Variants in SLC24A2 observed in about 807,000 individuals in gnomAD.
SLC24A2 encodes the protein sodium/potassium/calcium exchanger 2.
Under a neutral mutation model 62.0 loss-of-function variants are expected in SLC24A2, and 36 were observed. The ratio of observed to expected loss-of-function variants is 0.58; its 90% CI spans 0.44 to 0.77. The LOEUF (loss-of-function observed/expected upper bound fraction) is 0.77, where lower values mean the gene tolerates loss of function less well. Among genes scored for constraint, SLC24A2 ranks in the 30% least tolerant of loss-of-function variants. The pLI, the probability that SLC24A2 is intolerant of heterozygous loss-of-function variation, is 0.00. For missense variants in SLC24A2, 846 were observed against 817.9 expected, an observed-to-expected ratio of 1.03 and a Z score of -0.42; for synonymous variants, 358 against 294.0, an observed-to-expected ratio of 1.22 and a Z score of -2.23.
the SLC24A2 span, among the ~76,000 whole-genome samples, chr9:20,190,655 T>A: frequency 3.3e-5 from 5 of 152,148 alleles, no homozygotes; most frequent in African/African-American, 9.7e-5. Context: ...AATCAAGAAT[T>A]TGAACCTGGT....
At chr9:19,836,667 C>T in the SLC24A2 span, among the ~76,000 whole-genome samples, 2 of 152,202 alleles carry the variant, frequency 1.3e-5, no homozygotes, top group Non-Finnish European at 2.9e-5. Flanking sequence ...GAACTGGTAC[C>T]ATTCCTTCTG....
intron 10 of SLC24A2, among the ~76,000 whole-genome samples, chr9:19,517,076 C>T (rs1282468463): frequency 1.3e-5 from 2 of 152,196 alleles, no homozygotes; most frequent in Non-Finnish European, 2.9e-5. Context: ...TACCTGTTTT[C>T]TCCCTTTTCA....
chr9:20,187,629 T>C, the SLC24A2 span, among the ~76,000 whole-genome samples: 2 of 152,206 alleles, frequency 1.3e-5, no homozygotes, highest in East Asian at 3.8e-4. Flanking sequence ...GTTCTTTACC[T>C]GGAAAACTTT....
At chr9:20,020,184 C>T in the SLC24A2 span, among the ~76,000 whole-genome samples, 3 of 152,096 alleles carry the variant, frequency 2.0e-5, no homozygotes, top group African/African-American at 7.2e-5. Flanking sequence ...GGATCTAGAA[C>T]CAGAAATACC....
At chr9:19,990,425 C>T in the SLC24A2 span, among the ~76,000 whole-genome samples, 2 of 151,918 alleles carry the variant, frequency 1.3e-5, no homozygotes, top group Non-Finnish European at 2.9e-5. Flanking sequence ...TCCTGGCCAA[C>T]ATGGTGAAAC....
At chr9:20,144,580 AAC>A in the SLC24A2 span, among the ~76,000 whole-genome samples, 1 of 152,294 alleles carries the variant, frequency 6.6e-6, no homozygotes, top group East Asian at 1.9e-4. Context: ...GTTTAACAAA[AAC>A]ACACACAAAT....
At chr9:20,268,204 T>C in the SLC24A2 span, among the ~76,000 whole-genome samples, 1 of 152,190 alleles carries the variant, frequency 6.6e-6, no homozygotes, top group African/African-American at 2.4e-5. Context: ...GACAGTACAT[T>C]GAAAACTGAC....
At chr9:19,691,156 GA>G (rs1311043863) in intron 2 of SLC24A2, among the ~76,000 whole-genome samples, 2 of 152,162 alleles carry the variant, frequency 1.3e-5, no homozygotes, top group Non-Finnish European at 2.9e-5. Context: ...AAGAAAGGAT[GA>G]GAAGAGCCCT....
intron 2 of SLC24A2, among the ~76,000 whole-genome samples, chr9:19,657,275 T>C (rs754333499): frequency 2.6e-5 from 4 of 152,196 alleles, no homozygotes; most frequent in Non-Finnish European, 5.9e-5. Flanking sequence ...TTTTAAATCT[T>C]ATTTCCTCTA....
chr9:20,253,874 G>A, the SLC24A2 span, among the ~76,000 whole-genome samples: 26 of 152,220 alleles, frequency 1.7e-4, no homozygotes, highest in South Asian at 2.1e-4. Flanking sequence ...TCTGGGCACC[G>A]CAATTACTTC....
chr9:20,245,439 G>A, the SLC24A2 span, among the ~76,000 whole-genome samples: 12 of 152,296 alleles, frequency 7.9e-5, no homozygotes, highest in East Asian at 1.9e-4. Flanking sequence ...TCTGGAAGCC[G>A]TAAGGAGTCC....
chr9:19,674,566 A>G (rs1385976488), intron 2 of SLC24A2, among the ~76,000 whole-genome samples: 2 of 152,162 alleles, frequency 1.3e-5, no homozygotes, highest in Non-Finnish European at 2.9e-5. Flanking sequence ...TTTTTAAAAA[A>G]TTCTTTTTTC....
At chr9:19,897,138 G>T in the SLC24A2 span, among the ~76,000 whole-genome samples, 1 of 152,184 alleles carries the variant, frequency 6.6e-6, no homozygotes, top group South Asian at 2.1e-4. Flanking sequence ...TATAGACTGG[G>T]AAACTGGGCC....
chr9:19,918,393 C>CAAAAA, the SLC24A2 span, among the ~76,000 whole-genome samples: 2 of 137,622 alleles, frequency 1.5e-5, no homozygotes, highest in South Asian at 2.4e-4. Flanking sequence ...CTGCCTTTAT[C>CAAAAA]AAAAAAAAAA....
At chr9:20,164,318 C>T in the SLC24A2 span, among the ~76,000 whole-genome samples, 5 of 152,008 alleles carry the variant, frequency 3.3e-5, no homozygotes, top group East Asian at 1.9e-4. Context: ...AAAAAGTGGG[C>T]AAAGGACATG....
At chr9:20,072,332 T>C in the SLC24A2 span, among the ~76,000 whole-genome samples, 533 of 152,090 alleles carry the variant, frequency 3.5e-3, 2 homozygotes, top group Non-Finnish European at 4.5e-3. Context: ...CACAAGCAGA[T>C]TAGAGTCTTG....
intron 5 of SLC24A2, among the ~76,000 whole-genome samples, chr9:19,591,874 G>T (rs1287571341): frequency 6.6e-6 from 1 of 152,224 alleles, no homozygotes; most frequent in Non-Finnish European, 1.5e-5. Flanking sequence ...TATTTTGCCT[G>T]ATGTATCAGT....
chr9:20,056,468 C>G, the SLC24A2 span, among the ~76,000 whole-genome samples: 2 of 152,172 alleles, frequency 1.3e-5, no homozygotes, highest in Non-Finnish European at 2.9e-5. Flanking sequence ...GAATGACCAA[C>G]AAATGTTTGG....
At chr9:20,178,124 C>T in the SLC24A2 span, among the ~76,000 whole-genome samples, 1 of 152,142 alleles carries the variant, frequency 6.6e-6, no homozygotes, top group Non-Finnish European at 1.5e-5. Context: ...TATTTTCAGC[C>T]TTACAAGTAC....
Sources: allele counts gnomAD v4.1 joint callset (sites outside exome capture counted in the v4.1 genomes callset), GRCh38; gene constraint gnomAD v4.1.1; transcripts MANE v1.5; gene names NCBI Gene and HGNC (gene_info 2026-07-23, HGNC 2026-07-21).